The following DDX31 variants were observed in gnomAD, a reference collection of about 807,000 sequenced individuals.
DDX31 encodes the protein DEAD-box helicase 31, also known as ATP-dependent DNA helicase DDX31.
Under a neutral mutation model 91.3 loss-of-function variants are expected in DDX31, and 70 were observed. That is an observed-to-expected ratio of 0.77 (90% CI 0.63 to 0.94). The LOEUF (loss-of-function observed/expected upper bound fraction) is 0.94. Among genes scored for constraint, DDX31 ranks in the 40% least tolerant of loss-of-function variants. The pLI is 0.00. For missense variants in DDX31, 902 were observed against 925.0 expected (o/e 0.98, Z 0.32); for synonymous variants, 362 against 350.6 (o/e 1.03, Z -0.36).
At chr9:132,625,608 C>T (rs1238149592) in intron 17 of DDX31, 56 bp downstream of exon 17, 2 of 1,399,528 alleles carry the variant, frequency 1.4e-6, no homozygotes, top group Non-Finnish European at 2.0e-6. Context: ...CTCTACTACC[C>T]CAAATCAAGT....
At chr9:132,600,797 C>T (rs1204103882) in intron 19 of DDX31, among the ~76,000 whole-genome samples, 1 of 152,140 alleles carries the variant, frequency 6.6e-6, no homozygotes, top group Non-Finnish European at 1.5e-5. Context: ...ATTTGATGAC[C>T]TTGGTTGGAA....
Position 132,620,625 on chromosome 9 carries a change from C to G in DDX31, c.1714-2184G>C, listed in dbSNP as rs1224830978. Among the ~76,000 whole-genome samples, 5 of 152,018 alleles carry G rather than the reference C, an allele frequency of 3.3e-5. No individual in the cohort carries two copies. In the East Asian group the frequency reaches 9.6e-4, roughly 29 times the overall value. On this transcript the variant is annotated intron_variant, in intron 17 of 19. Coordinates refer to ENST00000372159, the MANE Select transcript of DDX31 (RefSeq NM_022779.9). ...TCTTACTCCTCCCTAACCCCTGCTT[C>G]CAGAAATACCTTATTTTAAAATTGC...
At chr9:132,610,005 G>C (rs1326891182) in intron 19 of DDX31, among the ~76,000 whole-genome samples, 1 of 152,200 alleles carries the variant, frequency 6.6e-6, no homozygotes, top group African/African-American at 2.4e-5. Context: ...GTAACAAAAT[G>C]ATCAGGCTTC....
Position 132,612,206 on chromosome 9 carries a change from C to T in DDX31, c.1875G>A (p.Lys625=). The change falls in exon 19 of 20, where the codon AAG becomes AAA. Residue 625 remains lysine, a synonymous_variant. Transcript: ENST00000372159. Reference sequence around the variant, plus strand: ...GGAGGGATCGGACGTGGAAGATGTGCTTCAGCTCCCTGGGGTAGGTGGCGT... The same window carrying T: ...GGAGGGATCGGACGTGGAAGATGTGTTTCAGCTCCCTGGGGTAGGTGGCGT... ...QAYATYPREL[K]HIFHVRSLHL... is the part of the protein sequence containing the mutation. 2 of 1,614,176 alleles carry T rather than the reference C, an allele frequency of 1.2e-6. No individual in the cohort carries two copies. The highest frequency in any genetic ancestry group is 1.7e-6 in the Non-Finnish European group (2 of 1,180,034).
intron 5 of DDX31, among the ~76,000 whole-genome samples, chr9:132,659,393 G>A (rs938758958): frequency 8.5e-5 from 13 of 152,230 alleles, no homozygotes; most frequent in African/African-American, 2.4e-4. Flanking sequence ...TTTAACACCA[G>A]AAGAAGACAT....
intron 8 of DDX31, 91 bp from the exon 9 acceptor site, chr9:132,650,389 T>A: frequency 1.6e-6 from 2 of 1,255,258 alleles, no homozygotes; most frequent in South Asian, 2.5e-5. Context: ...AAACAAGGCA[T>A]GGGAGAAAAC....
intron 16 of DDX31, among the ~76,000 whole-genome samples, chr9:132,628,527 C>A (rs1564301316): frequency 6.6e-6 from 1 of 152,216 alleles, no homozygotes; most frequent in Non-Finnish European, 1.5e-5. Flanking sequence ...GTTTTCCCTT[C>A]TCAATTTTAG....
At chr9:132,609,468 C>CT (rs981538793) in intron 19 of DDX31, among the ~76,000 whole-genome samples, 7 of 152,290 alleles carry the variant, frequency 4.6e-5, no homozygotes, top group African/African-American at 1.7e-4. Context: ...GCCTCCCTCT[C>CT]TGCTTTCCAA....
chr9:132,621,497 C>A (rs1832030602), intron 17 of DDX31, among the ~76,000 whole-genome samples: 1 of 152,172 alleles, frequency 6.6e-6, no homozygotes, highest in African/African-American at 2.4e-5. Flanking sequence ...CACTCGCTTT[C>A]TTTCTGTTCA....
intron 14 of DDX31, among the ~76,000 whole-genome samples, chr9:132,633,886 GA>G (rs1482387793): frequency 6.6e-6 from 1 of 152,088 alleles, no homozygotes; most frequent in African/African-American, 2.4e-5. Context: ...CTGAAACCTA[GA>G]ACCTAAATCT....
At chr9:132,657,703 A>G (rs533455545) in intron 6 of DDX31, among the ~76,000 whole-genome samples, 13 of 152,070 alleles carry the variant, frequency 8.5e-5, no homozygotes, top group African/African-American at 2.4e-4. Context: ...CTCACTTTCT[A>G]TTTCTGGTCT....
chr9:132,605,898 C>A (rs1314558325), intron 19 of DDX31, among the ~76,000 whole-genome samples: 2 of 151,930 alleles, frequency 1.3e-5, no homozygotes, highest in Non-Finnish European at 2.9e-5. Context: ...GCGGTGAGGG[C>A]TGTGGAGGTG....
chr9:132,661,071 G>A (rs1270917076), intron 4 of DDX31, 137 bp downstream of exon 4: 5 of 756,836 alleles, frequency 6.6e-6, no homozygotes, highest in Non-Finnish European at 9.3e-6. Context: ...TAAGTGAGAC[G>A]ACAACCCTTT....
At chr9:132,626,537 G>T (rs1296229111) in intron 16 of DDX31, among the ~76,000 whole-genome samples, 1 of 152,236 alleles carries the variant, frequency 6.6e-6, no homozygotes. Context: ...AACGTGAGCT[G>T]CTGAAAGGAT....
intron 17 of DDX31, 104 bp from the exon 18 acceptor site, chr9:132,618,545 C>A: frequency 1.1e-6 from 1 of 875,346 alleles, no homozygotes; most frequent in Non-Finnish European, 1.7e-6. Flanking sequence ...CAGTAACCAC[C>A]TAGGGCCAAC....
chr9:132,661,515 G>A (rs2130844009), intron 3 of DDX31, among the ~76,000 whole-genome samples: 1 of 152,174 alleles, frequency 6.6e-6, no homozygotes, highest in African/African-American at 2.4e-5. Context: ...AGAGGCCTGG[G>A]ATGCTGCTGA....
chr9:132,615,702 A>C (rs1450545399), intron 18 of DDX31, among the ~76,000 whole-genome samples: 1 of 152,238 alleles, frequency 6.6e-6, no homozygotes, highest in African/African-American at 2.4e-5. Flanking sequence ...TCTAGCTTCC[A>C]AGATTTTTGT....
At chr9:132,644,992 C>A (rs1487694096) in intron 13 of DDX31, among the ~76,000 whole-genome samples, 1 of 152,168 alleles carries the variant, frequency 6.6e-6, no homozygotes, top group Non-Finnish European at 1.5e-5. Context: ...AGAGGCTGGA[C>A]TTGTTTAGGA....
intron 14 of DDX31, among the ~76,000 whole-genome samples, chr9:132,639,023 G>A (rs767225237): frequency 3.3e-5 from 5 of 152,068 alleles, no homozygotes; most frequent in South Asian, 2.1e-4. Context: ...CATCTGTCTC[G>A]TCCTGAAGTG....
Sources: allele counts gnomAD v4.1 joint callset (sites outside exome capture counted in the v4.1 genomes callset), GRCh38; gene constraint gnomAD v4.1.1; transcripts MANE v1.5; gene names NCBI Gene and HGNC (gene_info 2026-07-23, HGNC 2026-07-21).